IGFBP2: variants seen among roughly 807,000 people sequenced by gnomAD.
IGFBP2 encodes insulin like growth factor binding protein 2.
In IGFBP2, 12 loss-of-function variants were observed where a neutral mutation model predicts 26.2. The observed-to-expected ratio is 0.46, with a 90% CI of 0.29 to 0.74. The LOEUF (loss-of-function observed/expected upper bound fraction) is 0.74, where lower values mean the gene tolerates loss of function less well. Ranked by LOEUF, IGFBP2 falls within the 30% of genes least tolerant of loss-of-function variation. IGFBP2 has a pLI of 0.09. For synonymous variants in IGFBP2, 189 were observed against 200.6 expected (o/e 0.94, Z 0.49); for missense variants, 328 against 441.2 (o/e 0.74, Z 2.30).
intron 1 of IGFBP2, among the ~76,000 whole-genome samples, chr2:216,635,192 G>A (rs900343302): frequency 4.6e-5 from 7 of 152,048 alleles, no homozygotes; most frequent in Non-Finnish European, 1.0e-4. Context: ...AGGGGTCAGA[G>A]TTGAAATCTT....
At chr2:216,656,558 C>G (rs1455192405) in intron 1 of IGFBP2, among the ~76,000 whole-genome samples, 1 of 152,122 alleles carries the variant, frequency 6.6e-6, no homozygotes, top group African/African-American at 2.4e-5. Flanking sequence ...TTTGTTGTTC[C>G]AACCTGGGGA....
intron 3 of IGFBP2, 148 bp downstream of exon 3, chr2:216,662,146 C>A: frequency 1.1e-6 from 1 of 899,852 alleles, no homozygotes; most frequent in Non-Finnish European, 1.7e-6. Context: ...GATTGGGATG[C>A]CAGCTGCCAG....
chr2:216,659,106 A>G (rs1369677259), intron 1 of IGFBP2, among the ~76,000 whole-genome samples: 1 of 152,132 alleles, frequency 6.6e-6, no homozygotes, highest in African/African-American at 2.4e-5. Context: ...GTGAAGAGTG[A>G]CTAGTTCTCA....
chr2:216,652,878 A>G (rs1697855319), intron 1 of IGFBP2, among the ~76,000 whole-genome samples: 1 of 152,162 alleles, frequency 6.6e-6, no homozygotes, highest in African/African-American at 2.4e-5. Flanking sequence ...TACCTGTTGC[A>G]AGAGGTGAGT....
intron 1 of IGFBP2, among the ~76,000 whole-genome samples, chr2:216,641,828 T>C (rs1053409236): frequency 2.8e-5 from 4 of 145,448 alleles, no homozygotes; most frequent in African/African-American, 1.0e-4. Flanking sequence ...TAGCTGGGAC[T>C]ACAGGCACCC....
At chr2:216,644,182 G>A (rs1697666536) in intron 1 of IGFBP2, among the ~76,000 whole-genome samples, 2 of 146,254 alleles carry the variant, frequency 1.4e-5, no homozygotes, top group African/African-American at 5.0e-5. Context: ...CCTTTTTTCT[G>A]TGGGCGGGGG....
chr2:216,635,334 C>T (rs1697474443), intron 1 of IGFBP2, among the ~76,000 whole-genome samples: 1 of 152,144 alleles, frequency 6.6e-6, no homozygotes, highest in South Asian at 2.1e-4. Context: ...GTTAACCCTT[C>T]CCTCCTGCTT....
intron 1 of IGFBP2, among the ~76,000 whole-genome samples, chr2:216,651,732 C>A (rs540555407): frequency 2.4e-4 from 37 of 152,298 alleles, no homozygotes; most frequent in Non-Finnish European, 1.2e-4. Flanking sequence ...CTTTTATTTA[C>A]CCATTCAAGA....
At chr2:216,632,866 G>A (rs1035498068), upstream of IGFBP2, 1 of 152,108 alleles carries the variant, frequency 6.6e-6, no homozygotes, top group Admixed American at 6.5e-5. Flanking sequence ...AGACCATTCG[G>A]GGCTGTTTGG....
At chr2:216,652,240 C>A (rs1697841023) in intron 1 of IGFBP2, among the ~76,000 whole-genome samples, 1 of 147,902 alleles carries the variant, frequency 6.8e-6, no homozygotes, top group Admixed American at 6.8e-5. Context: ...ATGGCGCGAT[C>A]TTGGCTCACT....
intron 1 of IGFBP2, among the ~76,000 whole-genome samples, chr2:216,655,522 C>T (rs763654517): frequency 9.2e-5 from 14 of 152,182 alleles, no homozygotes; most frequent in Admixed American, 6.5e-5. Flanking sequence ...GAGGCCTCCC[C>T]GCCATGCTGA....
Position 216,664,252 on chromosome 2 carries a change from C to T in IGFBP2, c.*148C>T, listed in dbSNP as rs373872758. On this transcript the variant is annotated 3_prime_UTR_variant, in exon 4 of 4. Coordinates refer to ENST00000233809, the MANE Select transcript of IGFBP2 (RefSeq NM_000597.3). This position sits in a 1 kb window ranked among gnomAD's most constrained non-coding sequence, Gnocchi z 4.6. ...TTTGGAAAGAGACCAGCACCGAGCT[C>T]GGCACCTCCCCGGCCTCTCTCTTCC... 24 of 570,338 alleles carry T rather than the reference C, an allele frequency of 4.2e-5. No individual in the cohort carries two copies. The highest frequency in any genetic ancestry group is 2.1e-4 in the African/African-American group (11 of 52,666). The allele number at this position is 570,338 out of a possible 1,614,324, so 35.3% of individuals were successfully genotyped here.
chr2:216,650,204 C>T (rs188042847), intron 1 of IGFBP2, among the ~76,000 whole-genome samples: 15 of 152,130 alleles, frequency 9.9e-5, no homozygotes, highest in Non-Finnish European at 1.9e-4. Flanking sequence ...GTCCAGGGCT[C>T]TTATTTTTAG....
intron 1 of IGFBP2, among the ~76,000 whole-genome samples, chr2:216,635,109 C>G (rs1424067709): frequency 6.6e-6 from 1 of 151,982 alleles, no homozygotes; most frequent in Non-Finnish European, 1.5e-5. Context: ...AGCCCCCCAC[C>G]CCATGCACCA....
chr2:216,647,677 G>T (rs140666831), intron 1 of IGFBP2, among the ~76,000 whole-genome samples: 1 of 151,964 alleles, frequency 6.6e-6, no homozygotes, highest in Non-Finnish European at 1.5e-5. Context: ...CCACCACCAC[G>T]CCTGGCTAAT....
At chr2:216,637,677 G>A (rs1272245165) in intron 1 of IGFBP2, among the ~76,000 whole-genome samples, 3 of 152,218 alleles carry the variant, frequency 2.0e-5, no homozygotes, top group Non-Finnish European at 4.4e-5. Context: ...GGTTAGAATA[G>A]GTGGTAGAGC....
At chr2:216,639,551 GA>G (rs9341125) in intron 1 of IGFBP2, among the ~76,000 whole-genome samples, 5,575 of 129,606 alleles carry the variant, frequency 0.043, 335 homozygotes, top group African/African-American at 0.13. Flanking sequence ...CAAAAGAAAA[GA>G]AAAAAGCTTG....
intron 1 of IGFBP2, among the ~76,000 whole-genome samples, chr2:216,655,916 C>G (rs895105020): frequency 3.3e-5 from 5 of 150,692 alleles, no homozygotes; most frequent in Non-Finnish European, 4.4e-5. Flanking sequence ...AAAAAAAAAT[C>G]AAAAAACCAT....
At chr2:216,655,228 C>G (rs1252359562) in intron 1 of IGFBP2, among the ~76,000 whole-genome samples, 3 of 151,880 alleles carry the variant, frequency 2.0e-5, no homozygotes, top group Non-Finnish European at 4.4e-5. Flanking sequence ...TTATTTTTAG[C>G]AGAGACAAGG....
Sources: gnomAD v4.1 joint callset for allele counts (sites outside exome capture counted in the v4.1 genomes callset) on GRCh38, gnomAD v4.1.1 for gene constraint, Gnocchi (gnomAD v3.1) non-coding constraint, MANE v1.5 for transcripts, NCBI Gene and HGNC (gene_info 2026-07-23, HGNC 2026-07-21) for gene names.